The following GLDN variants were observed in gnomAD, a reference collection of about 807,000 sequenced individuals.
GLDN encodes collomin.
GLDN carries 47 observed loss-of-function variants against 56.5 expected under a neutral mutation model. The ratio of observed to expected loss-of-function variants is 0.83; its 90% CI spans 0.66 to 1.06. The LOEUF (loss-of-function observed/expected upper bound fraction) is 1.06, where lower values mean the gene tolerates loss of function less well. Ranked by LOEUF, GLDN falls within the 50% of genes least tolerant of loss-of-function variation. The probability of loss-of-function intolerance (pLI) is 0.00; values close to 1 mark genes in which losing one functional copy is unlikely to be tolerated. For synonymous variants in GLDN, 332 were observed against 278.8 expected (o/e 1.19, Z -1.90); for missense variants, 782 against 714.3 (o/e 1.09, Z -1.08).
At chr15:51,403,015 G>A (rs921318381) in intron 9 of GLDN, among the ~76,000 whole-genome samples, 3 of 152,150 alleles carry the variant, frequency 2.0e-5, no homozygotes, top group Non-Finnish European at 4.4e-5. Context: ...TGTTATATAG[G>A]GCTATTGCCA....
intron 1 of GLDN, 59 bp from the exon 2 acceptor site, chr15:51,377,390 A>C: frequency 7.3e-7 from 1 of 1,374,268 alleles, no homozygotes; most frequent in Non-Finnish European, 1.0e-6. Context: ...GTCTGAATAA[A>C]GGATGAGCCC....
At chr15:51,369,547 G>A (rs1026735884) in intron 1 of GLDN, among the ~76,000 whole-genome samples, 6 of 152,206 alleles carry the variant, frequency 3.9e-5, no homozygotes, top group African/African-American at 1.4e-4. Flanking sequence ...CATTCTGAGA[G>A]TAAAAGGTGA....
At chr15:51,367,321 CAG>C (rs1290559256) in intron 1 of GLDN, 1 of 152,182 alleles carries the variant, frequency 6.6e-6, no homozygotes, top group Non-Finnish European at 1.5e-5. Flanking sequence ...GTCATTTTGC[CAG>C]AGACATTGGC....
intron 3 of GLDN, 75 bp downstream of exon 3, chr15:51,383,528 G>T (rs1267719354): frequency 1.3e-6 from 2 of 1,546,448 alleles, no homozygotes; most frequent in Middle Eastern, 2.2e-4. Context: ...TGTTGGGACA[G>T]ATGCGGGGAG....
intron 2 of GLDN, among the ~76,000 whole-genome samples, chr15:51,383,226 T>C (rs1009718256): frequency 2.0e-5 from 3 of 152,244 alleles, no homozygotes; most frequent in Non-Finnish European, 4.4e-5. Context: ...TCTTGGTTCA[T>C]TGAAACAAGC....
chr15:51,406,175 T>C lies in GLDN; in HGVS notation c.*1421T>C, dbSNP rs753378713. 1 of 152,232 alleles carries C rather than the reference T, an allele frequency of 6.6e-6. No individual in the cohort carries two copies. The highest frequency in any genetic ancestry group is 2.4e-5 in the African/African-American group (1 of 41,460). The allele number at this position is 152,232 out of a possible 1,614,324, so 9.4% of individuals were successfully genotyped here. A position where few individuals can be genotyped will look rare whatever the true frequency, so the allele number is the denominator to read the frequency against. ...TTAGGGGACAGTTCTTTCTCTAACA[T>C]AGTTTTAAAGGATGTGATCTGGTCC... On this transcript the variant is annotated 3_prime_UTR_variant, in exon 10 of 10. Transcript: ENST00000335449.
At chr15:51,409,790 G>C (rs2038446831), downstream of GLDN, among the ~76,000 whole-genome samples, 1 of 152,202 alleles carries the variant, frequency 6.6e-6, no homozygotes, top group South Asian at 2.1e-4. Flanking sequence ...CCAGAGTCAA[G>C]AGGAAACACT....
At chr15:51,399,220 C>T (rs903190075) in intron 6 of GLDN, among the ~76,000 whole-genome samples, 2 of 152,180 alleles carry the variant, frequency 1.3e-5, no homozygotes, top group African/African-American at 4.8e-5. Flanking sequence ...TTCAGGGAAA[C>T]ACAGGCTTAT....
chr15:51,396,639 CT>C (rs1357293102), intron 5 of GLDN, among the ~76,000 whole-genome samples: 1 of 152,162 alleles, frequency 6.6e-6, no homozygotes, highest in Admixed American at 6.5e-5. Flanking sequence ...GAATCAGAGA[CT>C]TTGCTAGTAG....
chr15:51,353,737 A>C (rs1212955702), intron 1 of GLDN, among the ~76,000 whole-genome samples: 24 of 127,466 alleles, frequency 1.9e-4, no homozygotes, highest in East Asian at 5.2e-4. Context: ...AAAAAAAACC[A>C]CAGTCAATTA....
intron 3 of GLDN, 103 bp downstream of exon 3, chr15:51,383,556 A>C (rs980205843): frequency 1.5e-6 from 2 of 1,364,162 alleles, no homozygotes; most frequent in Non-Finnish European, 2.1e-6. Context: ...GCCTGGAGGC[A>C]GTCCTGGCTG....
intron 3 of GLDN, 111 bp downstream of exon 3, chr15:51,383,564 CTGTGTGT>C: frequency 7.7e-7 from 1 of 1,292,404 alleles, no homozygotes; most frequent in Non-Finnish European, 1.1e-6. Flanking sequence ...GCAGTCCTGG[CTGTGTGT>C]CTCCTTCTTT....
chr15:51,361,336 C>G (rs1251012561), intron 1 of GLDN, among the ~76,000 whole-genome samples: 3 of 152,172 alleles, frequency 2.0e-5, no homozygotes, highest in Non-Finnish European at 2.9e-5. Flanking sequence ...TGCTATGCCT[C>G]TACTGAAGTA....
Position 51,401,625 on chromosome 15 carries a change from T to G in GLDN, c.1060T>G (p.Ser354Ala), listed in dbSNP as rs969863834. The G allele has an allele frequency of 3.1e-6, 5 of 1,614,162 alleles. No homozygotes were observed. The highest frequency in any genetic ancestry group is 3.3e-5 in the Admixed American group (2 of 60,016). ...GGTTAAGGAATTCAAGGATCAGCCCTCACTTCTGAATGGCAGTTACACGTT... is the reference window on the plus strand; with the variant it reads ...GGTTAAGGAATTCAAGGATCAGCCCGCACTTCTGAATGGCAGTTACACGTT... ...IMVKEFKDQP[S>A]LLNGSYTFIH... Residue 354 changes from serine to alanine, a missense_variant, in exon 9 of 10, where the codon TCA (serine) becomes GCA (alanine). Ser to Ala is a moderately conservative substitution (Grantham distance 99). Transcript: ENST00000335449.
chr15:51,352,467 A>G (rs937024237), intron 1 of GLDN, among the ~76,000 whole-genome samples: 3 of 151,950 alleles, frequency 2.0e-5, no homozygotes, highest in Non-Finnish European at 4.4e-5. Flanking sequence ...TTTTTGCCCT[A>G]TGCTCCTAGT....
intron 2 of GLDN, among the ~76,000 whole-genome samples, chr15:51,378,095 C>T (rs896413061): frequency 6.6e-5 from 10 of 152,124 alleles, no homozygotes; most frequent in African/African-American, 2.4e-4. Context: ...ATATTTCCCC[C>T]ACCTCCCTCT....
At chr15:51,363,155 A>C (rs529959027) in intron 1 of GLDN, among the ~76,000 whole-genome samples, 1 of 152,298 alleles carries the variant, frequency 6.6e-6, no homozygotes, top group East Asian at 1.9e-4. Flanking sequence ...GTAGCTGCAT[A>C]CTTGGGTCTG....
At chr15:51,402,731 A>G (rs1566953157) in intron 9 of GLDN, among the ~76,000 whole-genome samples, 1 of 152,228 alleles carries the variant, frequency 6.6e-6, no homozygotes, top group Admixed American at 6.5e-5. Context: ...TGCTCAGGTT[A>G]GAATGGGGCG....
intron 1 of GLDN, among the ~76,000 whole-genome samples, chr15:51,356,391 C>G (rs1053973439): frequency 8.6e-5 from 13 of 152,006 alleles, no homozygotes; most frequent in African/African-American, 3.1e-4. Context: ...AGTGAGGAAA[C>G]ATGGAAGCGG....
Sources: allele counts gnomAD v4.1 joint callset (sites outside exome capture counted in the v4.1 genomes callset), GRCh38; gene constraint gnomAD v4.1.1; transcripts MANE v1.5; gene names NCBI Gene and HGNC (gene_info 2026-07-23, HGNC 2026-07-21).